ULK4: variants seen among roughly 807,000 people sequenced by gnomAD.
ULK4 encodes the protein unc-51 like kinase 4.
In ULK4, 133 loss-of-function variants were observed where a neutral mutation model predicts 160.6. The ratio of observed to expected loss-of-function variants is 0.83; its 90% CI spans 0.72 to 0.96. The LOEUF is 0.96. Among genes scored for constraint, ULK4 ranks in the 40% least tolerant of loss-of-function variants. The pLI is 0.00. For missense variants in ULK4, 1,580 were observed against 1,499.5 expected, an observed-to-expected ratio of 1.05 and a Z score of -0.89; for synonymous variants, 534 against 539.8, an observed-to-expected ratio of 0.99 and a Z score of 0.15.
At chr3:41,276,256 ACAAAAGACTCCTTT>A (rs2079226892) in intron 35 of ULK4, among the ~76,000 whole-genome samples, 1 of 152,182 alleles carries the variant, frequency 6.6e-6, no homozygotes, top group African/African-American at 2.4e-5. Context: ...CTCCAATTTA[ACAAAAGACTCCTTT>A]CTTCAGAGCT....
intron 35 of ULK4, among the ~76,000 whole-genome samples, chr3:41,314,005 A>T (rs1004448009): frequency 6.6e-6 from 1 of 152,146 alleles, no homozygotes; most frequent in African/African-American, 2.4e-5. Flanking sequence ...CAAGGGTTCC[A>T]GCTTGGGCAA....
intron 35 of ULK4, chr3:41,258,309 G>T (rs1019420658): frequency 2.0e-5 from 3 of 152,174 alleles, no homozygotes; most frequent in African/African-American, 7.2e-5. Context: ...AACCCACAAA[G>T]AAATCTCCTC....
At chr3:41,308,200 T>C (rs2079984819) in intron 35 of ULK4, among the ~76,000 whole-genome samples, 1 of 152,004 alleles carries the variant, frequency 6.6e-6, no homozygotes, top group African/African-American at 2.4e-5. Context: ...CCAGAAAACT[T>C]AGTGAAAACA....
At chr3:41,544,800 G>T (rs1167764581) in intron 32 of ULK4, among the ~76,000 whole-genome samples, 3 of 152,132 alleles carry the variant, frequency 2.0e-5, no homozygotes, top group African/African-American at 7.2e-5. Flanking sequence ...CAATGCTCTG[G>T]GAGTGAAATT....
chr3:41,876,725 A>C (rs1397649428), intron 17 of ULK4, among the ~76,000 whole-genome samples: 1 of 152,108 alleles, frequency 6.6e-6, no homozygotes, highest in African/African-American at 2.4e-5. Context: ...TGAATTCCAT[A>C]AACATAATAT....
intron 35 of ULK4, among the ~76,000 whole-genome samples, chr3:41,388,679 A>G (rs1006262185): frequency 1.3e-5 from 2 of 151,996 alleles, no homozygotes; most frequent in Non-Finnish European, 2.9e-5. Flanking sequence ...AAGATCAGAT[A>G]GTTGTAGATA....
chr3:41,926,695 T>C (rs931154501), intron 5 of ULK4, among the ~76,000 whole-genome samples: 6 of 151,924 alleles, frequency 3.9e-5, no homozygotes, highest in African/African-American at 1.2e-4. Flanking sequence ...GAGAACTTCA[T>C]GAAGCACACA....
intron 17 of ULK4, among the ~76,000 whole-genome samples, chr3:41,857,222 G>T (rs79092135): frequency 0.012 from 1,896 of 152,002 alleles, 36 homozygotes; most frequent in African/African-American, 0.041. Flanking sequence ...TTCCCTAGAG[G>T]GCCAGCTTTC....
At chr3:41,481,775 C>T (rs1341480317) in intron 32 of ULK4, among the ~76,000 whole-genome samples, 1 of 141,390 alleles carries the variant, frequency 7.1e-6, no homozygotes, top group African/African-American at 2.6e-5. Context: ...TGCAGTGAGC[C>T]GAGATCCCGC....
chr3:41,384,555 G>A (rs571339227), intron 35 of ULK4, among the ~76,000 whole-genome samples: 5 of 152,218 alleles, frequency 3.3e-5, no homozygotes, highest in African/African-American at 7.2e-5. Flanking sequence ...GATCGGGTGC[G>A]TTCAGGGTGG....
At chr3:41,824,646 G>A (rs2041279105) in intron 18 of ULK4, among the ~76,000 whole-genome samples, 1 of 152,194 alleles carries the variant, frequency 6.6e-6, no homozygotes, top group Non-Finnish European at 1.5e-5. Flanking sequence ...CGAGGCTTGA[G>A]TAGGTAAACA....
intron 34 of ULK4, among the ~76,000 whole-genome samples, chr3:41,440,991 A>G (rs2083154134): frequency 6.6e-6 from 1 of 151,990 alleles, no homozygotes; most frequent in Non-Finnish European, 1.5e-5. Flanking sequence ...ATGTCTCTCC[A>G]TATTCTTCTC....
chr3:41,916,845 T>C (rs1698985680), intron 7 of ULK4, among the ~76,000 whole-genome samples: 1 of 151,758 alleles, frequency 6.6e-6, no homozygotes, highest in African/African-American at 2.4e-5. Context: ...GTAGCTCGGA[T>C]TACAGGCATG....
intron 16 of ULK4, among the ~76,000 whole-genome samples, chr3:41,885,774 G>A (rs1454601472): frequency 6.6e-6 from 1 of 151,906 alleles, no homozygotes; most frequent in African/African-American, 2.4e-5. Context: ...TGCCTCCCAG[G>A]CTCAAGCAAT....
chr3:41,317,063 A>ATTTTTTTTTTTTTTTTT lies in ULK4; in HGVS notation c.3679-67506_3679-67490dup, dbSNP rs1164870603. 6.3e-5 allele frequency among the ~76,000 whole-genome samples: 6 copies of ATTTTTTTTTTTTTTTTT among 94,550 alleles called. 1 individual carries two copies. Among genetic ancestry groups the ATTTTTTTTTTTTTTTTT allele is most frequent in the East Asian group, 2.7e-4 (1 of 3,764 alleles). 62.0% of individuals were successfully genotyped at this position (94,550 alleles called of 152,430 possible). A position where few individuals can be genotyped will look rare whatever the true frequency, so the allele number is the denominator to read the frequency against. ...TGATGTAAAATAGGCAATTACATCT[A>ATTTTTTTTTTTTTTTTT]TTTTTTTTTTTTTTTTTTTTTTTGA... On this transcript the variant is annotated intron_variant, in intron 35 of 36. Transcript: ENST00000301831.
intron 32 of ULK4, among the ~76,000 whole-genome samples, chr3:41,505,202 A>G (rs897104059): frequency 2.6e-5 from 4 of 152,178 alleles, no homozygotes; most frequent in African/African-American, 9.7e-5. Flanking sequence ...ATGAATTTTC[A>G]CAAACTGGAC....
chr3:41,678,483 T>C (rs1397283458), intron 29 of ULK4, among the ~76,000 whole-genome samples: 1 of 152,084 alleles, frequency 6.6e-6, no homozygotes, highest in Non-Finnish European at 1.5e-5. Flanking sequence ...TAGGAGCCTA[T>C]CTGAGAACAA....
intron 35 of ULK4, among the ~76,000 whole-genome samples, chr3:41,327,768 T>C (rs1268087956): frequency 6.6e-6 from 1 of 152,124 alleles, no homozygotes; most frequent in East Asian, 1.9e-4. Context: ...ACCCAAACTA[T>C]AATAGCATCA....
At chr3:41,416,484 A>G (rs2082529896) in intron 34 of ULK4, among the ~76,000 whole-genome samples, 1 of 152,154 alleles carries the variant, frequency 6.6e-6, no homozygotes, top group African/African-American at 2.4e-5. Flanking sequence ...GAAGCATTTG[A>G]TTTTTCAACT....
Sources: allele counts gnomAD v4.1 joint callset (sites outside exome capture counted in the v4.1 genomes callset), GRCh38; gene constraint gnomAD v4.1.1; transcripts MANE v1.5; gene names NCBI Gene and HGNC (gene_info 2026-07-23, HGNC 2026-07-21).